Variants in SUSD4 observed in about 807,000 individuals in gnomAD.
SUSD4 encodes sushi domain-containing protein 4.
In SUSD4, 41 loss-of-function variants were observed where a neutral mutation model predicts 50.5. The observed-to-expected ratio is 0.81, with a 90% CI of 0.63 to 1.05. SUSD4 has a LOEUF of 1.05. Among genes scored for constraint, SUSD4 ranks in the 50% least tolerant of loss-of-function variants. The pLI is 0.00. For missense variants in SUSD4, 580 were observed against 634.7 expected, an observed-to-expected ratio of 0.91 and a Z score of 0.93; for synonymous variants, 257 against 257.3, an observed-to-expected ratio of 1.00 and a Z score of 0.01.
At chr1:223,224,214 G>T (rs1659338734) in intron 7 of SUSD4, among the ~76,000 whole-genome samples, 1 of 152,170 alleles carries the variant, frequency 6.6e-6, no homozygotes, top group East Asian at 1.9e-4. Context: ...GCACGTGCCT[G>T]TAGCCCTAGC....
At chr1:223,223,960 G>C (rs758731664) in intron 7 of SUSD4, among the ~76,000 whole-genome samples, 2 of 152,246 alleles carry the variant, frequency 1.3e-5, no homozygotes, top group Non-Finnish European at 2.9e-5. Context: ...AGCTCATGGA[G>C]CAAGGGACAA....
chr1:223,235,143 T>G, intron 5 of SUSD4: 1 of 1,546,346 alleles, frequency 6.5e-7, no homozygotes, highest in Admixed American at 2.3e-5. Context: ...AGAAGACTAT[T>G]TCTCTTGATT....
chr1:223,343,231 C>G (rs772255183), intron 2 of SUSD4, among the ~76,000 whole-genome samples: 1 of 152,184 alleles, frequency 6.6e-6, no homozygotes, highest in Admixed American at 6.5e-5. Flanking sequence ...CACCTCTCCA[C>G]GCAAAGCTAA....
rs1380259548 is a variant in SUSD4 at position 223,227,421 on chromosome 1, A to G, written c.1061+173T>C. ...GAGAGGTAGGAAAGAAAGAAAGAGG[A>G]AAATGAGGTCTGTCTCCAGCTTTGT... On this transcript the variant is annotated intron_variant, in intron 7 of 8. Coordinates refer to ENST00000366878, the MANE Select transcript of SUSD4 (RefSeq NM_017982.4). This position sits in a 1 kb window ranked among gnomAD's most constrained non-coding sequence, Gnocchi z 4.5. Among the ~76,000 whole-genome samples the G allele has an allele frequency of 1.3e-5, 2 of 152,174 alleles. No individual in the cohort carries two copies. The highest frequency in any genetic ancestry group is 4.8e-5 in the African/African-American group (2 of 41,444).
chr1:223,245,452 G>A (rs1660856713), intron 5 of SUSD4, among the ~76,000 whole-genome samples: 1 of 152,052 alleles, frequency 6.6e-6, no homozygotes, highest in Non-Finnish European at 1.5e-5. Flanking sequence ...GATGGCACAT[G>A]TGAAGGTGGG....
At chr1:223,354,340 C>CA (rs202177795) in intron 2 of SUSD4, among the ~76,000 whole-genome samples, 28,744 of 134,304 alleles carry the variant, frequency 0.21, 3,409 homozygotes, top group Middle Eastern at 0.33. Flanking sequence ...CCTCAGCCTC[C>CA]AAAAAAAAAA....
intron 3 of SUSD4, among the ~76,000 whole-genome samples, chr1:223,278,043 G>C (rs867497729): frequency 1.3e-5 from 2 of 152,092 alleles, no homozygotes; most frequent in East Asian, 3.9e-4. Flanking sequence ...CCTAAGTTCT[G>C]ATGCAGGTAG....
chr1:223,260,722 A>G (rs1284701792), intron 5 of SUSD4, among the ~76,000 whole-genome samples: 2 of 152,222 alleles, frequency 1.3e-5, no homozygotes, highest in Admixed American at 1.3e-4. Flanking sequence ...ATGGGGACCC[A>G]TATACGCTCC....
At position 223,363,360 on chromosome 1, in the gene SUSD4, T is replaced by TTGCTGC. The variant is rs143929528; in HGVS notation, c.60_65dup (p.Gln21_Gln22dup). ...CCAAGAGTCTCTGGGGGGACTGAGGTTGCTGCTGCTGCTGCTGCTGCTCTA... is the reference window on the plus strand; with the variant it reads ...CCAAGAGTCTCTGGGGGGACTGAGGTTGCTGCTGCTGCTGCTGCTGCTGCTGCTCTA... On this transcript the variant is annotated inframe_insertion, in exon 2 of 9. Coordinates refer to ENST00000366878, the MANE Select transcript of SUSD4 (RefSeq NM_017982.4). 10 of 1,603,488 alleles carry TTGCTGC rather than the reference T, an allele frequency of 6.2e-6. No individual in the cohort carries two copies. The highest frequency in any genetic ancestry group is 4.0e-5 in the African/African-American group (3 of 74,654).
Position 223,229,394 on chromosome 1 carries a change from G to T in SUSD4, c.725-6C>A. 1 of 1,578,946 alleles carries T rather than the reference G, an allele frequency of 6.3e-7. No individual in the cohort carries two copies. The highest frequency in any genetic ancestry group is 1.1e-5 in the South Asian group (1 of 89,190). On this transcript the variant is annotated splice_polypyrimidine_tract_variant and splice_region_variant and intron_variant, in intron 5 of 8. Transcript: ENST00000366878. The surrounding 1 kb of genome is among the most constrained non-coding windows in gnomAD (Gnocchi z 4.7). ...CATTGGAGGTAGTGGACAGACTTGG[G>T]CAGTAGGGGAGAATAAAAGTTTCAG... is the stretch of plus-strand genomic sequence containing the variant.
chr1:223,341,645 G>C (rs1667766645), intron 2 of SUSD4, among the ~76,000 whole-genome samples: 1 of 152,200 alleles, frequency 6.6e-6, no homozygotes, highest in South Asian at 2.1e-4. Flanking sequence ...CACAAACGGA[G>C]GGACAATCAG....
At chr1:223,244,121 C>T (rs1282025863) in intron 5 of SUSD4, among the ~76,000 whole-genome samples, 1 of 152,210 alleles carries the variant, frequency 6.6e-6, no homozygotes, top group Admixed American at 6.5e-5. Context: ...CTCACACACA[C>T]AGGAGTTGGG....
At chr1:223,268,377 G>A in intron 4 of SUSD4, 125 bp downstream of exon 4, 1 of 1,266,410 alleles carries the variant, frequency 7.9e-7, no homozygotes, top group Non-Finnish European at 1.1e-6. Flanking sequence ...GATCCATGTG[G>A]GGTAGATGGC....
intron 3 of SUSD4, among the ~76,000 whole-genome samples, chr1:223,282,899 C>T (rs950461433): frequency 1.4e-4 from 21 of 152,130 alleles, no homozygotes; most frequent in Non-Finnish European, 2.6e-4. Context: ...GAGATATAGA[C>T]CAATGGAACA....
At chr1:223,338,924 G>A (rs1667602526) in intron 2 of SUSD4, among the ~76,000 whole-genome samples, 1 of 152,202 alleles carries the variant, frequency 6.6e-6, no homozygotes, top group African/African-American at 2.4e-5. Context: ...CTGAGCAGGA[G>A]AAATACATCC....
chr1:223,284,372 G>T (rs142820409), intron 3 of SUSD4, among the ~76,000 whole-genome samples: 1 of 152,254 alleles, frequency 6.6e-6, no homozygotes, highest in Non-Finnish European at 1.5e-5. Flanking sequence ...ATCATGTTTG[G>T]TCAGGTGAGA....
intron 2 of SUSD4, among the ~76,000 whole-genome samples, chr1:223,314,878 A>G (rs1163419597): frequency 1.3e-5 from 2 of 151,678 alleles, no homozygotes; most frequent in South Asian, 2.1e-4. Flanking sequence ...AAACTAATAC[A>G]CTCCAGAAAT....
chr1:223,361,354 C>T (rs1294690003), intron 2 of SUSD4, among the ~76,000 whole-genome samples: 6 of 152,090 alleles, frequency 3.9e-5, no homozygotes, highest in African/African-American at 7.2e-5. Flanking sequence ...CAAAGTGAAA[C>T]GCAGCTGATG....
intron 2 of SUSD4, among the ~76,000 whole-genome samples, chr1:223,328,106 A>G (rs1666979720): frequency 6.6e-6 from 1 of 152,226 alleles, no homozygotes; most frequent in Admixed American, 6.5e-5. Context: ...AAAAAAAAAA[A>G]AAGTTTTTAA....
Sources: gnomAD v4.1 joint callset for allele counts (sites outside exome capture counted in the v4.1 genomes callset) on GRCh38, gnomAD v4.1.1 for gene constraint, Gnocchi (gnomAD v3.1) non-coding constraint, MANE v1.5 for transcripts, NCBI Gene and HGNC (gene_info 2026-07-23, HGNC 2026-07-21) for gene names.